Variants in CNTN4 observed in about 807,000 individuals in gnomAD.
CNTN4 encodes contactin 4, also known as contactin-4.
In CNTN4, 77 loss-of-function variants were observed where a neutral mutation model predicts 122.5. The ratio of observed to expected loss-of-function variants is 0.63; its 90% CI spans 0.52 to 0.76. The LOEUF (loss-of-function observed/expected upper bound fraction) is 0.76, where lower values mean the gene tolerates loss of function less well. Among genes scored for constraint, CNTN4 ranks in the 30% least tolerant of loss-of-function variants. CNTN4 has a pLI of 0.00. For synonymous variants in CNTN4, 512 were observed against 447.0 expected, an observed-to-expected ratio of 1.15 and a Z score of -1.83; for missense variants, 1,256 against 1,259.1, an observed-to-expected ratio of 1.00 and a Z score of 0.04.
At chr3:2,336,227 G>T (rs976517865) in intron 2 of CNTN4, among the ~76,000 whole-genome samples, 4 of 152,080 alleles carry the variant, frequency 2.6e-5, no homozygotes, top group Admixed American at 6.6e-5. Flanking sequence ...TTTATTTGGG[G>T]GGGGGAGGTG....
intron 12 of CNTN4, among the ~76,000 whole-genome samples, chr3:2,911,837 A>G (rs2094303480): frequency 6.6e-6 from 1 of 152,296 alleles, no homozygotes; most frequent in African/African-American, 2.4e-5. Flanking sequence ...GCTTGACCAG[A>G]CAGAAAAAAA....
intron 3 of CNTN4, among the ~76,000 whole-genome samples, chr3:2,414,969 T>C (rs926264233): frequency 6.6e-6 from 1 of 152,230 alleles, no homozygotes; most frequent in African/African-American, 2.4e-5. Context: ...TCTTCTGATA[T>C]TTCAAAATTG....
chr3:2,542,318 C>T (rs910707867), intron 3 of CNTN4, among the ~76,000 whole-genome samples: 16 of 152,004 alleles, frequency 1.1e-4, no homozygotes, highest in Admixed American at 2.0e-4. Context: ...GTCAGATAGG[C>T]AAAACAGGAC....
chr3:2,975,198 A>C (rs1454436196), intron 13 of CNTN4, among the ~76,000 whole-genome samples: 1 of 152,224 alleles, frequency 6.6e-6, no homozygotes, highest in Non-Finnish European at 1.5e-5. Context: ...CAAACAGAAA[A>C]AAAAAAGAAC....
intron 6 of CNTN4, among the ~76,000 whole-genome samples, chr3:2,756,143 T>C (rs532562977): frequency 6.6e-6 from 1 of 152,378 alleles, no homozygotes; most frequent in Non-Finnish European, 1.5e-5. Flanking sequence ...ACATATATTT[T>C]CACTTGTGGT....
chr3:2,742,001 A>G (rs1332351651), intron 5 of CNTN4, among the ~76,000 whole-genome samples: 1 of 152,236 alleles, frequency 6.6e-6, no homozygotes, highest in Non-Finnish European at 1.5e-5. Context: ...TCTCTGTAAC[A>G]TAATAGCAGA....
At chr3:2,823,346 G>C (rs555205012) in intron 7 of CNTN4, among the ~76,000 whole-genome samples, 1 of 152,198 alleles carries the variant, frequency 6.6e-6, no homozygotes, top group East Asian at 1.9e-4. Context: ...TTCGAAAGCT[G>C]TGCGGTGTCA....
intron 9 of CNTN4, among the ~76,000 whole-genome samples, chr3:2,885,764 A>T (rs1258926104): frequency 6.6e-6 from 1 of 152,208 alleles, no homozygotes. Context: ...TTTTGCTTTT[A>T]GTGGCATCCT....
intron 4 of CNTN4, among the ~76,000 whole-genome samples, chr3:2,599,205 C>A (rs2080913025): frequency 6.6e-6 from 1 of 152,122 alleles, no homozygotes. Flanking sequence ...CCTCCTGGGC[C>A]ACTCCTTGGC....
intron 2 of CNTN4, among the ~76,000 whole-genome samples, chr3:2,167,702 A>G (rs188769613): frequency 1.5e-4 from 23 of 152,060 alleles, no homozygotes; most frequent in African/African-American, 5.3e-4. Context: ...TGTAAAATAA[A>G]GTAAATATGA....
chr3:2,377,018 T>C (rs1559499280), intron 3 of CNTN4, among the ~76,000 whole-genome samples: 1 of 152,192 alleles, frequency 6.6e-6, no homozygotes, highest in Admixed American at 6.5e-5. Flanking sequence ...TAGCCAGGCA[T>C]AGTGGAGCAC....
At chr3:2,506,032 TAAC>T (rs564509023) in intron 3 of CNTN4, among the ~76,000 whole-genome samples, 2 of 152,168 alleles carry the variant, frequency 1.3e-5, no homozygotes, top group Admixed American at 1.3e-4. Flanking sequence ...TTTTCTAATG[TAAC>T]ACTATGGTAA....
intron 2 of CNTN4, among the ~76,000 whole-genome samples, chr3:2,221,027 TG>T (rs2039041910): frequency 6.6e-6 from 1 of 152,108 alleles, no homozygotes; most frequent in Non-Finnish European, 1.5e-5. Context: ...CAAATAATCC[TG>T]CTTGAGTGAT....
chr3:2,160,056 G>T (rs1205767429), intron 2 of CNTN4, among the ~76,000 whole-genome samples: 1 of 152,090 alleles, frequency 6.6e-6, no homozygotes, highest in Non-Finnish European at 1.5e-5. Flanking sequence ...TGGCTTGAGA[G>T]ATAATAGTCT....
chr3:2,721,528 G>C (rs1301978671), intron 4 of CNTN4, among the ~76,000 whole-genome samples: 1 of 152,126 alleles, frequency 6.6e-6, no homozygotes, highest in Admixed American at 6.5e-5. Context: ...GTCCGGCATT[G>C]CTCTTCCTGC....
At chr3:2,904,299 GA>G (rs1237096620) in intron 12 of CNTN4, among the ~76,000 whole-genome samples, 1 of 152,120 alleles carries the variant, frequency 6.6e-6, no homozygotes, top group Non-Finnish European at 1.5e-5. Flanking sequence ...TTTCCCTTAT[GA>G]AAAACATTCA....
At chr3:2,682,687 A>G (rs961664074) in intron 4 of CNTN4, among the ~76,000 whole-genome samples, 1 of 152,166 alleles carries the variant, frequency 6.6e-6, no homozygotes, top group Non-Finnish European at 1.5e-5. Flanking sequence ...CTAGACTGAA[A>G]GGTAGGAATT....
chr3:2,586,588 C>T (rs1403551200), intron 4 of CNTN4, among the ~76,000 whole-genome samples: 1 of 152,048 alleles, frequency 6.6e-6, no homozygotes. Context: ...ACCGCCTGCA[C>T]CCCTCCACCA....
At chr3:2,560,341 C>T (rs769017064) in intron 3 of CNTN4, among the ~76,000 whole-genome samples, 13 of 151,892 alleles carry the variant, frequency 8.6e-5, no homozygotes, top group South Asian at 4.2e-4. Flanking sequence ...GGGGTTTCAC[C>T]ATGTTGCTCA....
Sources: allele counts gnomAD v4.1 joint callset (sites outside exome capture counted in the v4.1 genomes callset), GRCh38; gene constraint gnomAD v4.1.1; transcripts MANE v1.5; gene names NCBI Gene and HGNC (gene_info 2026-07-23, HGNC 2026-07-21).